SLC12A7: variants seen among roughly 807,000 people sequenced by gnomAD.
SLC12A7 encodes the protein K-Cl cotransporter 4.
SLC12A7 carries 100 observed loss-of-function variants against 120.6 expected under a neutral mutation model. The ratio of observed to expected loss-of-function variants is 0.83; its 90% CI spans 0.71 to 0.98. The LOEUF (loss-of-function observed/expected upper bound fraction) is 0.98. SLC12A7 is among the 50% of genes least tolerant of loss of function. The pLI is 0.00. For missense variants in SLC12A7, 1,373 were observed against 1,548.1 expected, an observed-to-expected ratio of 0.89 and a Z score of 1.90; for synonymous variants, 760 against 678.0, an observed-to-expected ratio of 1.12 and a Z score of -1.88.
At chr5:1,149,612 CCATT>C in the SLC12A7 span, among the ~76,000 whole-genome samples, 3 of 151,994 alleles carry the variant, frequency 2.0e-5, no homozygotes, top group Non-Finnish European at 2.9e-5. Flanking sequence ...AAAATAAGAG[CCATT>C]CAAATAGTTG....
intron 16 of SLC12A7, 121 bp downstream of exon 16, chr5:1,074,446 G>C: frequency 2.2e-6 from 2 of 897,024 alleles, no homozygotes; most frequent in South Asian, 3.3e-5. Context: ...TCACACCCCA[G>C]ACCTTGCCTG....
At chr5:1,114,431 C>T (rs1035936328), upstream of SLC12A7, among the ~76,000 whole-genome samples, 3 of 152,158 alleles carry the variant, frequency 2.0e-5, no homozygotes, top group African/African-American at 7.2e-5. Context: ...GCTGCAGGCC[C>T]CTCCCATCCC....
At chr5:1,083,361 C>G (rs1442476905) in intron 8 of SLC12A7, among the ~76,000 whole-genome samples, 1 of 152,202 alleles carries the variant, frequency 6.6e-6, no homozygotes, top group Admixed American at 6.5e-5. Context: ...TTTCCCTCAA[C>G]CCCCTGGGGC....
In SLC12A7 at chr5:1,083,817, C is replaced by T; in HGVS notation, c.1057G>A (p.Asp353Asn). 1.2e-6 allele frequency: 2 copies of T among 1,610,982 alleles called. No individual in the cohort carries two copies. Among genetic ancestry groups the T allele is most frequent in the Non-Finnish European group, 1.7e-6 (2 of 1,178,728 alleles). The change falls in exon 8 of 24, where the codon GAC (aspartate) becomes AAC (asparagine). Residue 353 changes from aspartate to asparagine, a missense_variant. Transcript: ENST00000264930. ...CNGSQPSAAC[D>N]EYFIQNNVTE... Reference sequence around the variant, plus strand: ...ACGTTGTTCTGGATGAAGTACTCGTCACAGGCGGCGCTGGGCTGGGAGCCG... The same window carrying T: ...ACGTTGTTCTGGATGAAGTACTCGTTACAGGCGGCGCTGGGCTGGGAGCCG...
chr5:1,055,786 T>C (rs1735549040), intron 22 of SLC12A7, among the ~76,000 whole-genome samples: 1 of 152,230 alleles, frequency 6.6e-6, no homozygotes, highest in East Asian at 1.9e-4. Flanking sequence ...AACACGCTAT[T>C]CTGAAGGCAC....
rs1740113932 is a variant in SLC12A7 at position 1,088,306 on chromosome 5, C to T, written c.544G>A (p.Ala182Thr). Reference protein sequence around the residue: ...SAIATNGVVPAGGSYYMISRS... With the variant: ...SAIATNGVVPTGGSYYMISRS... Reference sequence around the variant, plus strand: ...GCCGCGGCTGGCGGGCACCCCTTACCTGGGACCACACCGTTGGTAGCGATC... The same window carrying T: ...GCCGCGGCTGGCGGGCACCCCTTACTTGGGACCACACCGTTGGTAGCGATC... The change falls in exon 5 of 24, where the codon GCT (alanine) becomes ACT (threonine). Residue 182 changes from alanine to threonine, a missense_variant and splice_region_variant. Physicochemically the swap from Ala to Thr is moderately conservative, Grantham distance 58. Coordinates refer to ENST00000264930, the MANE Select transcript of SLC12A7 (RefSeq NM_006598.3). 4 of 1,585,540 alleles carry T rather than the reference C, an allele frequency of 2.5e-6. No homozygotes were observed. Among genetic ancestry groups the T allele is most frequent in the Non-Finnish European group, 3.4e-6 (4 of 1,166,564 alleles).
At chr5:1,067,284 G>C (rs1275750003) in intron 17 of SLC12A7, among the ~76,000 whole-genome samples, 1 of 152,232 alleles carries the variant, frequency 6.6e-6, no homozygotes, top group Non-Finnish European at 1.5e-5. Flanking sequence ...GCGGAGGCAG[G>C]GGCCCCAGAG....
rs1421654981 is a variant in SLC12A7, at chr5:1,058,202, A to C, written c.2848-553T>G. Among the ~76,000 whole-genome samples the C allele has an allele frequency of 2.0e-5, 3 of 152,220 alleles. No individual in the cohort carries two copies. The East Asian group carries it at 5.8e-4, about 29-fold the overall frequency. ...GGCCCCCTGTGCGTCACTTCTGACAATCCGAGGAAAATGAAAACACCGTCC... is the reference window on the plus strand; with the variant it reads ...GGCCCCCTGTGCGTCACTTCTGACACTCCGAGGAAAATGAAAACACCGTCC... On this transcript the variant is annotated intron_variant, in intron 21 of 23. Coordinates refer to ENST00000264930, the MANE Select transcript of SLC12A7 (RefSeq NM_006598.3).
At chr5:1,079,058 T>G (rs1221433316) in intron 10 of SLC12A7, among the ~76,000 whole-genome samples, 5 of 152,060 alleles carry the variant, frequency 3.3e-5, no homozygotes, top group Non-Finnish European at 4.4e-5. Context: ...GAGGGGACAA[T>G]GCTCGGCTGG....
the SLC12A7 span, among the ~76,000 whole-genome samples, chr5:1,132,355 C>T: frequency 2.0e-5 from 3 of 152,168 alleles, no homozygotes; most frequent in Non-Finnish European, 4.4e-5. Flanking sequence ...TTGTTCAGCG[C>T]ATAATGAAGA....
chr5:1,086,981 G>A lies in SLC12A7; in HGVS notation c.597C>T (p.Gly199=), dbSNP rs758334574. 12 of 1,612,854 alleles carry A rather than the reference G, an allele frequency of 7.4e-6. No homozygotes were observed. Among genetic ancestry groups the A allele is most frequent in the African/African-American group, 1.3e-5 (1 of 75,078 alleles). ...CCAGGTAGAAGCAGAGGCCGACAGC[G>A]CCTCCAAACTCGGGTCCCAGCGAGC... ...ISRSLGPEFG[G]AVGLCFYLGT... is the part of the protein sequence containing the mutation. Residue 199 remains glycine, a synonymous_variant, in exon 6 of 24, where the codon GGC becomes GGT. Transcript: ENST00000264930.
At chr5:1,078,581 C>T in intron 11 of SLC12A7, 120 bp downstream of exon 11, 1 of 796,738 alleles carries the variant, frequency 1.3e-6, no homozygotes, top group Admixed American at 2.0e-5. Flanking sequence ...GACCAGGACG[C>T]CTTCAGCTCT....
At chr5:1,053,247 C>T (rs41280359) in intron 23 of SLC12A7, 102 bp downstream of exon 23, 86 of 1,404,450 alleles carry the variant, frequency 6.1e-5, no homozygotes, top group Middle Eastern at 1.9e-4. Flanking sequence ...GAAGGAGAGG[C>T]GGGAAGCCAG....
intron 8 of SLC12A7, among the ~76,000 whole-genome samples, chr5:1,083,486 A>C (rs116108836): frequency 2.1e-4 from 32 of 152,354 alleles, no homozygotes; most frequent in Non-Finnish European, 3.8e-4. Context: ...GGAGGTCATG[A>C]AAATAAATCC....
intron 6 of SLC12A7, 21 bp downstream of exon 6, chr5:1,086,882 C>T: frequency 6.2e-7 from 1 of 1,611,154 alleles, no homozygotes; most frequent in Non-Finnish European, 8.5e-7. Flanking sequence ...GGTGGGAACC[C>T]TTCCAAAGCA....
intron 17 of SLC12A7, among the ~76,000 whole-genome samples, chr5:1,066,049 G>T (rs935158939): frequency 6.6e-6 from 1 of 152,112 alleles, no homozygotes; most frequent in Non-Finnish European, 1.5e-5. Context: ...ACTCCATGGG[G>T]TTTGCACGTG....
chr5:1,155,580 C>G, the SLC12A7 span, among the ~76,000 whole-genome samples: 1 of 151,424 alleles, frequency 6.6e-6, no homozygotes, highest in Non-Finnish European at 1.5e-5. Context: ...GGGACCGACC[C>G]CCGGGCTGAC....
chr5:1,127,984 G>A, the SLC12A7 span, among the ~76,000 whole-genome samples: 3 of 152,184 alleles, frequency 2.0e-5, no homozygotes, highest in Non-Finnish European at 2.9e-5. Flanking sequence ...CCAGGGCTGC[G>A]ACGTCCTGGT....
At chr5:1,149,592 A>T in the SLC12A7 span, among the ~76,000 whole-genome samples, 4 of 152,072 alleles carry the variant, frequency 2.6e-5, no homozygotes, top group Non-Finnish European at 4.4e-5. Context: ...CAAATAAATT[A>T]AAAAAAATAA....
Sources: gnomAD v4.1 joint callset for allele counts (sites outside exome capture counted in the v4.1 genomes callset) on GRCh38, gnomAD v4.1.1 for gene constraint, MANE v1.5 for transcripts, NCBI Gene and HGNC (gene_info 2026-07-23, HGNC 2026-07-21) for gene names.